The following PIK3R3 variants were observed in gnomAD, a reference collection of about 807,000 sequenced individuals.
PIK3R3 encodes the protein phosphatidylinositol 3-kinase regulatory subunit gamma.
In PIK3R3, 64 loss-of-function variants were observed where a neutral mutation model predicts 62.9. The observed-to-expected ratio is 1.02, with a 90% confidence interval of 0.83 to 1.25. The LOEUF is 1.25. Ranked by LOEUF, PIK3R3 falls within the 50% of genes most tolerant of loss-of-function variation. The pLI, the probability that PIK3R3 is intolerant of heterozygous loss-of-function variation, is 0.00. For synonymous variants in PIK3R3, 165 were observed against 189.0 expected (o/e 0.87, Z 1.04); for missense variants, 614 against 561.6 (o/e 1.09, Z -0.94).
the PIK3R3 span, among the ~76,000 whole-genome samples, chr1:46,139,901 T>C: frequency 6.6e-6 from 1 of 152,338 alleles, no homozygotes; most frequent in South Asian, 2.1e-4. Flanking sequence ...TAGGGGCATG[T>C]GGTTGGTGTT....
chr1:46,101,638 G>A (rs958219414), intron 1 of PIK3R3, among the ~76,000 whole-genome samples: 7 of 152,272 alleles, frequency 4.6e-5, no homozygotes, highest in South Asian at 2.1e-4. Flanking sequence ...GATACATGCC[G>A]CAATATGGAT....
chr1:46,155,528 C>T, the PIK3R3 span, among the ~76,000 whole-genome samples: 1 of 151,798 alleles, frequency 6.6e-6, no homozygotes, highest in African/African-American at 2.4e-5. Flanking sequence ...CTCAATGCAG[C>T]CTCAATCTAC....
rs1296227284 is a variant in PIK3R3 at position 46,077,515 on chromosome 1, C to A, written c.314G>T (p.Arg105Leu). 6.3e-7 allele frequency: 1 copy of A among 1,582,178 alleles called. No homozygotes were observed. The highest frequency in any genetic ancestry group is 2.2e-5 in the East Asian group (1 of 44,674). Residue 105 changes from arginine (R) to leucine (L), a missense_variant and splice_region_variant, in exon 3 of 10, where the codon CGG becomes CTG. Coordinates refer to ENST00000262741, the MANE Select transcript of PIK3R3 (RefSeq NM_003629.4). ...AGCCAAAAGACTGAAAAGTACTTAC[C>A]GCAAAGTCAAAGTATAATCTCCCTG... ...KMQGDYTLTLRKGGNNKLIKI... is the reference protein window; with the variant it reads ...KMQGDYTLTLLKGGNNKLIKI...
At chr1:46,069,378 G>A (rs1649290330) in intron 3 of PIK3R3, among the ~76,000 whole-genome samples, 1 of 152,078 alleles carries the variant, frequency 6.6e-6, no homozygotes, top group Admixed American at 6.6e-5. Flanking sequence ...AATTAGCCTG[G>A]CGTGGTGGAG....
At chr1:46,090,895 AC>A (rs1197625138) in intron 1 of PIK3R3, among the ~76,000 whole-genome samples, 1 of 152,188 alleles carries the variant, frequency 6.6e-6, no homozygotes, top group Non-Finnish European at 1.5e-5. Context: ...ATCAGCAAAT[AC>A]TACAAATCAG....
intron 1 of PIK3R3, among the ~76,000 whole-genome samples, chr1:46,130,436 T>C (rs980648138): frequency 6.6e-5 from 10 of 151,932 alleles, no homozygotes; most frequent in Non-Finnish European, 1.5e-5. Context: ...TGGATTGCAG[T>C]CACAATTATA....
intron 1 of PIK3R3, among the ~76,000 whole-genome samples, chr1:46,094,574 C>G (rs913878200): frequency 1.3e-5 from 2 of 152,180 alleles, no homozygotes; most frequent in Non-Finnish European, 2.9e-5. Context: ...AACAAAATTT[C>G]CCCCCAGCAT....
At chr1:46,171,364 A>G in the PIK3R3 span, among the ~76,000 whole-genome samples, 2 of 152,100 alleles carry the variant, frequency 1.3e-5, no homozygotes, top group Admixed American at 1.3e-4. Flanking sequence ...CCAGGGAGAG[A>G]AAGTTTTGTG....
chr1:46,080,724 T>TTGGCTTAGG lies in PIK3R3; in HGVS notation c.124_132dup (p.Pro42_Pro44dup). 6.2e-7 allele frequency: 1 copy of TTGGCTTAGG among 1,613,492 alleles called. No individual in the cohort carries two copies. The highest frequency in any genetic ancestry group is 8.5e-7 in the Non-Finnish European group (1 of 1,179,412). On this transcript the variant is annotated inframe_insertion, in exon 2 of 10. Transcript: ENST00000262741. ...ATTCCATTTGGAACTGCTGAAGTCA[T>TTGGCTTAGG]TGGCTTAGGTGGCTTTGGTGGAAGA... is the stretch of plus-strand genomic sequence containing the variant.
chr1:46,084,806 G>C (rs1650915110), intron 1 of PIK3R3, among the ~76,000 whole-genome samples: 1 of 152,086 alleles, frequency 6.6e-6, no homozygotes, highest in Admixed American at 6.6e-5. Flanking sequence ...CCAGCAAAAG[G>C]GAAACTTTAA....
At position 46,131,915 on chromosome 1, in the gene PIK3R3, G is replaced by A; in HGVS notation, c.38C>T (p.Ala13Val). 1.2e-6 allele frequency: 2 copies of A among 1,613,552 alleles called. No individual in the cohort carries two copies. The change falls in exon 1 of 10, where the codon GCA becomes GTA. Residue 13 changes from alanine (A) to valine (V), a missense_variant. Coordinates refer to ENST00000262741, the MANE Select transcript of PIK3R3 (RefSeq NM_003629.4). ...GGGCATCATCACCTCCCTCCAGTCT[G>A]CGTCATCGCGGTCCATACTCCACAC... ...NTVWSMDRDD[A>V]DWREVMMPYS...
At chr1:46,127,356 A>AAAT (rs1553157058) in intron 1 of PIK3R3, among the ~76,000 whole-genome samples, 151 of 133,970 alleles carry the variant, frequency 1.1e-3, no homozygotes, top group Middle Eastern at 7.5e-3. Flanking sequence ...AAAAAAAAAA[A>AAAT]ATATATATAT....
At chr1:46,081,355 C>T (rs540681712) in intron 1 of PIK3R3, among the ~76,000 whole-genome samples, 1 of 152,116 alleles carries the variant, frequency 6.6e-6, no homozygotes, top group Non-Finnish European at 1.5e-5. Context: ...GATTCCCTAA[C>T]CCCCGGGCTG....
chr1:46,135,894 T>A (rs1043274987), upstream of PIK3R3, among the ~76,000 whole-genome samples: 1 of 151,898 alleles, frequency 6.6e-6, no homozygotes, highest in South Asian at 2.1e-4. Flanking sequence ...GCTGGGCATG[T>A]TGGCAAGCGC....
In PIK3R3 at chr1:46,077,564, C is replaced by A; in HGVS notation, c.265G>T (p.Val89Phe). ...LRDMPDGTFL[V>F]RDASTKMQGD... ...TGCATTTTTGTTGAGGCATCTCGGA[C>A]CAAGAAGGTCCCATCTGGCATATCC... Residue 89 changes from valine to phenylalanine, a missense_variant, in exon 3 of 10, where the codon GTC becomes TTC. By Grantham distance (50) the Val-to-Phe change is conservative (BLOSUM62 -1). Coordinates refer to ENST00000262741, the MANE Select transcript of PIK3R3 (RefSeq NM_003629.4). The A allele has an allele frequency of 6.2e-7, 1 of 1,612,844 alleles. No individual in the cohort carries two copies. Among genetic ancestry groups the A allele is most frequent in the Non-Finnish European group, 8.5e-7 (1 of 1,178,920 alleles).
chr1:46,168,102 G>C, the PIK3R3 span, among the ~76,000 whole-genome samples: 5 of 152,012 alleles, frequency 3.3e-5, no homozygotes, highest in African/African-American at 1.2e-4. Context: ...AGTGAGCCTA[G>C]ATCACACCAC....
At chr1:46,132,967 C>G (rs1275583582), upstream of PIK3R3, 7 of 1,103,206 alleles carry the variant, frequency 6.3e-6, no homozygotes, top group South Asian at 6.0e-5. Flanking sequence ...CGGGAGCACG[C>G]GAGCCAGGCG....
chr1:46,064,034 G>A lies in PIK3R3; in HGVS notation c.622-1963C>T, dbSNP rs184167208. ...TCAAGACCAGCCTGACCAACATGGCGAAATCCCATCTCTACTAAAAATACA... is the reference window on the plus strand; with the variant it reads ...TCAAGACCAGCCTGACCAACATGGCAAAATCCCATCTCTACTAAAAATACA... On this transcript the variant is annotated intron_variant, in intron 5 of 9. Coordinates refer to ENST00000262741, the MANE Select transcript of PIK3R3 (RefSeq NM_003629.4). Among the ~76,000 whole-genome samples, 117 of 152,112 alleles carry A rather than the reference G, an allele frequency of 7.7e-4. No individual in the cohort carries two copies. In the East Asian group the frequency reaches 0.015, roughly 20 times the overall value.
At position 46,132,601 on chromosome 1, in the gene PIK3R3, A is replaced by C. The variant is rs1707303; in HGVS notation, c.-649T>G. Reference sequence around the variant, plus strand: ...CCGCCGGGGTGTAAGAACCAACCCGACCGCACCAACTGCCCTCAAGCTCTG... The same window carrying C: ...CCGCCGGGGTGTAAGAACCAACCCGCCCGCACCAACTGCCCTCAAGCTCTG... On this transcript the variant is annotated 5_prime_UTR_variant, in exon 1 of 10. Transcript: ENST00000262741. The C allele has an allele frequency of 0.69, 891,722 of 1,288,524 alleles. 309,810 individuals carry two copies. The highest frequency in any genetic ancestry group is 0.7 in the Non-Finnish European group (696,753 of 988,330). 79.8% of individuals were successfully genotyped at this position (1,288,524 alleles called of 1,614,324 possible). A position where few individuals can be genotyped will look rare whatever the true frequency, so the allele number is the denominator to read the frequency against.
Sources: allele counts gnomAD v4.1 joint callset (sites outside exome capture counted in the v4.1 genomes callset), GRCh38; gene constraint gnomAD v4.1.1; transcripts MANE v1.5; gene names NCBI Gene and HGNC (gene_info 2026-07-23, HGNC 2026-07-21).